FNDC3A: variants seen among roughly 807,000 people sequenced by gnomAD.
FNDC3A encodes fibronectin type-III domain-containing protein 3A.
A neutral mutation model predicts 148.9 loss-of-function variants in FNDC3A; 32 were observed. The ratio of observed to expected loss-of-function variants is 0.21; its 90% confidence interval spans 0.16 to 0.29. The LOEUF is 0.29. Among genes scored for constraint, FNDC3A ranks in the 10% least tolerant of loss-of-function variants. The pLI is 1.00. For missense variants in FNDC3A, 1,191 were observed against 1,452.8 expected, an observed-to-expected ratio of 0.82 and a Z score of 2.93; for synonymous variants, 472 against 473.6, an observed-to-expected ratio of 1.00 and a Z score of 0.04.
intron 2 of FNDC3A, among the ~76,000 whole-genome samples, chr13:49,019,430 G>A (rs915983965): frequency 3.9e-5 from 6 of 152,300 alleles, no homozygotes; most frequent in Admixed American, 1.3e-4. Flanking sequence ...TTGTGCTTCC[G>A]GAGTGAGGCA....
intron 5 of FNDC3A, among the ~76,000 whole-genome samples, chr13:49,133,017 G>T (rs910696832): frequency 1.3e-5 from 2 of 152,168 alleles, no homozygotes; most frequent in Non-Finnish European, 2.9e-5. Flanking sequence ...ATTTGCAGAA[G>T]AAATAACTTC....
At chr13:49,048,164 T>C (rs1422702904) in intron 2 of FNDC3A, among the ~76,000 whole-genome samples, 1 of 152,200 alleles carries the variant, frequency 6.6e-6, no homozygotes, top group Non-Finnish European at 1.5e-5. Flanking sequence ...CCTGTTTTTA[T>C]ACCAGTACCA....
In FNDC3A at chr13:49,135,571, T is replaced by A. The variant is rs549045556; in HGVS notation, c.491-761T>A. ...TCTAATGTTATTGTACATATCCTTA[T>A]AATACTCATTTCAAAAATACTGTAC... is the stretch of plus-strand genomic sequence containing the variant. On this transcript the variant is annotated intron_variant, in intron 5 of 25. Coordinates refer to ENST00000492622, the MANE Select transcript of FNDC3A (RefSeq NM_001079673.2). Among the ~76,000 whole-genome samples the A allele has an allele frequency of 1.6e-4, 25 of 152,286 alleles. No individual in the cohort carries two copies. The South Asian group carries it at 5.2e-3, about 32-fold the overall frequency.
chr13:49,009,510 CTG>C (rs892827253), intron 2 of FNDC3A, among the ~76,000 whole-genome samples: 1 of 152,168 alleles, frequency 6.6e-6, no homozygotes, highest in Non-Finnish European at 1.5e-5. Context: ...TGCGGTAGGG[CTG>C]TGTTTAGTTT....
At chr13:49,167,387 A>G (rs1230378611) in intron 9 of FNDC3A, 84 bp downstream of exon 9, 4 of 764,312 alleles carry the variant, frequency 5.2e-6, no homozygotes, top group Admixed American at 3.0e-5. Flanking sequence ...AAAATCTAGT[A>G]TATAATTTAA....
intron 7 of FNDC3A, among the ~76,000 whole-genome samples, chr13:49,140,646 CT>C (rs1245609601): frequency 5.3e-5 from 8 of 152,192 alleles, no homozygotes; most frequent in African/African-American, 1.7e-4. Flanking sequence ...TGTTCATTCA[CT>C]TTTTCATTCC....
chr13:49,102,991 AT>A (rs1879958308), intron 3 of FNDC3A, among the ~76,000 whole-genome samples: 1 of 152,214 alleles, frequency 6.6e-6, no homozygotes, highest in Admixed American at 6.5e-5. Context: ...AGGCTTGTCA[AT>A]ACAAGCACTA....
intron 8 of FNDC3A, among the ~76,000 whole-genome samples, chr13:49,158,386 C>G (rs768439531): frequency 6.6e-6 from 1 of 152,232 alleles, no homozygotes; most frequent in African/African-American, 2.4e-5. Context: ...GGCTCGCCCA[C>G]GGTACGCGCG....
intron 2 of FNDC3A, among the ~76,000 whole-genome samples, chr13:49,025,372 G>T (rs1010755416): frequency 6.6e-6 from 1 of 151,926 alleles, no homozygotes; most frequent in Non-Finnish European, 1.5e-5. Flanking sequence ...CAAGATTTCA[G>T]CATGACTCTG....
At chr13:49,106,150 CAG>C (rs1051348853) in intron 3 of FNDC3A, among the ~76,000 whole-genome samples, 20 of 152,166 alleles carry the variant, frequency 1.3e-4, no homozygotes, top group Non-Finnish European at 1.9e-4. Context: ...GTTCTTCCCT[CAG>C]ATATCCATAT....
At position 49,207,208 on chromosome 13, in the gene FNDC3A, A is replaced by G; in HGVS notation, c.3410A>G (p.Tyr1137Cys). Residue 1137 changes from tyrosine to cysteine, a missense_variant, in exon 26 of 26, where the codon TAC becomes TGC. Physicochemically the swap from Tyr to Cys is radical, Grantham distance 194 (BLOSUM62 -2). Around this residue, in one of 3 missense-constraint regions of FNDC3A, gnomAD observed 751 missense variants for 944.0 expected, o/e 0.80. Coordinates refer to ENST00000492622, the MANE Select transcript of FNDC3A (RefSeq NM_001079673.2). ...SLGHQDLVGP[Y>C]STTVLFISQR... ...GGACACCAGGACCTCGTAGGTCCCT[A>G]CAGCACCACAGTGCTCTTCATCTCT... 1.2e-6 allele frequency: 2 copies of G among 1,614,140 alleles called. No homozygotes were observed. The highest frequency in any genetic ancestry group is 1.7e-6 in the Non-Finnish European group (2 of 1,179,976).
intron 3 of FNDC3A, among the ~76,000 whole-genome samples, chr13:49,105,933 C>G (rs769630756): frequency 6.6e-6 from 1 of 152,142 alleles, no homozygotes; most frequent in African/African-American, 2.4e-5. Context: ...AGCAATGGCT[C>G]TTATTTTACT....
chr13:49,062,023 T>G (rs1038636672), intron 2 of FNDC3A, among the ~76,000 whole-genome samples: 1 of 151,826 alleles, frequency 6.6e-6, no homozygotes, highest in African/African-American at 2.4e-5. Flanking sequence ...ATTTAGTAAT[T>G]GCGGAAACCA....
intron 2 of FNDC3A, among the ~76,000 whole-genome samples, chr13:49,043,503 G>T (rs1875115744): frequency 6.6e-6 from 1 of 152,024 alleles, no homozygotes; most frequent in Non-Finnish European, 1.5e-5. Context: ...TGATAATGTT[G>T]TTCTGATATT....
At chr13:49,160,204 T>C (rs1454005177) in intron 8 of FNDC3A, among the ~76,000 whole-genome samples, 1 of 152,220 alleles carries the variant, frequency 6.6e-6, no homozygotes, top group Non-Finnish European at 1.5e-5. Context: ...TACCAGCTCC[T>C]CTTTATACCT....
intron 2 of FNDC3A, among the ~76,000 whole-genome samples, chr13:49,037,885 C>A (rs1052555713): frequency 1.3e-5 from 2 of 152,192 alleles, no homozygotes; most frequent in Non-Finnish European, 2.9e-5. Flanking sequence ...ACAGTGCACT[C>A]TTAGTTTTGC....
intron 3 of FNDC3A, among the ~76,000 whole-genome samples, chr13:49,086,216 G>T (rs1161169969): frequency 6.6e-6 from 1 of 152,168 alleles, no homozygotes; most frequent in East Asian, 1.9e-4. Flanking sequence ...TAATGCATCT[G>T]CTGGCTCTTC....
chr13:49,182,882 C>A (rs1885379761), intron 14 of FNDC3A, among the ~76,000 whole-genome samples: 1 of 151,984 alleles, frequency 6.6e-6, no homozygotes, highest in Non-Finnish European at 1.5e-5. Flanking sequence ...CTTGGATATA[C>A]CATCTTTTTG....
chr13:49,197,521 C>T (rs932614985), intron 20 of FNDC3A, among the ~76,000 whole-genome samples: 2 of 152,120 alleles, frequency 1.3e-5, no homozygotes, highest in African/African-American at 4.8e-5. Flanking sequence ...TAATTCAAAA[C>T]AGTTATATAT....
Sources: gnomAD v4.1 joint callset for allele counts (sites outside exome capture counted in the v4.1 genomes callset) on GRCh38, gnomAD v4.1.1 for gene constraint, gnomAD v4.1.1 regional missense constraint, MANE v1.5 for transcripts, NCBI Gene and HGNC (gene_info 2026-07-23, HGNC 2026-07-21) for gene names.